The following UNC80 variants were observed in gnomAD, a reference collection of about 807,000 sequenced individuals.
UNC80 encodes the protein protein unc-80 homolog.
A neutral mutation model predicts 384.6 loss-of-function variants in UNC80; 164 were observed. The ratio of observed to expected loss-of-function variants is 0.43; its 90% CI spans 0.38 to 0.49. The LOEUF is 0.49. Ranked by LOEUF, UNC80 falls within the 20% of genes least tolerant of loss-of-function variation. The pLI is 0.00. For synonymous variants in UNC80, 1,486 were observed against 1,527.8 expected, an observed-to-expected ratio of 0.97 and a Z score of 0.64; for missense variants, 3,330 against 4,143.0, an observed-to-expected ratio of 0.80 and a Z score of 5.39.
chr2:209,861,751 T>G (rs558261101), intron 22 of UNC80, among the ~76,000 whole-genome samples: 5 of 152,138 alleles, frequency 3.3e-5, no homozygotes, highest in Non-Finnish European at 7.4e-5. Context: ...TTCTTAGTGG[T>G]TTAGTCTTGG....
intron 4 of UNC80, among the ~76,000 whole-genome samples, chr2:209,779,226 C>G (rs2077027042): frequency 6.6e-6 from 1 of 152,182 alleles, no homozygotes; most frequent in Non-Finnish European, 1.5e-5. Flanking sequence ...CCTCATCTCC[C>G]TCTATCTCAC....
At chr2:209,972,434 T>C in intron 55 of UNC80, 110 bp downstream of exon 55, 1 of 1,413,466 alleles carries the variant, frequency 7.1e-7, no homozygotes, top group South Asian at 1.4e-5. Context: ...GAAGTCAGTC[T>C]GAATGATTTA....
chr2:209,892,176 T>G (rs1244719644), intron 26 of UNC80, among the ~76,000 whole-genome samples: 2 of 152,096 alleles, frequency 1.3e-5, no homozygotes, highest in Non-Finnish European at 2.9e-5. Context: ...GAGGGAAAGG[T>G]GAAGCAGTTA....
chr2:209,801,549 A>C (rs973865758), intron 7 of UNC80, among the ~76,000 whole-genome samples: 1 of 151,152 alleles, frequency 6.6e-6, no homozygotes, highest in African/African-American at 2.4e-5. Flanking sequence ...CGCCTGACTA[A>C]TTTTTGTATT....
intron 26 of UNC80, among the ~76,000 whole-genome samples, chr2:209,893,484 A>G (rs936759492): frequency 1.3e-5 from 2 of 152,182 alleles, no homozygotes; most frequent in Non-Finnish European, 2.9e-5. Context: ...AATAATGCAT[A>G]TTCTTCTTGG....
rs867010044 is a variant in UNC80 at position 209,959,667 on chromosome 2, G to T, written c.7765G>T (p.Val2589Phe). 6.4e-7 allele frequency: 1 copy of T among 1,551,678 alleles called. No individual in the cohort carries two copies. The highest frequency in any genetic ancestry group is 8.7e-7 in the Non-Finnish European group (1 of 1,146,980). ...ILQNLAGEPRVIALELLDVKS... is the reference protein window; with the variant it reads ...ILQNLAGEPRFIALELLDVKS... Reference sequence around the variant, plus strand: ...GCAAAATCTGGCTGGGGAGCCTCGGGTCATTGCCTTGGAACTGCTGGATGT... The same window carrying T: ...GCAAAATCTGGCTGGGGAGCCTCGGTTCATTGCCTTGGAACTGCTGGATGT... Residue 2589 changes from valine to phenylalanine, a missense_variant, in exon 51 of 65, where the codon GTC (valine) becomes TTC (phenylalanine). Val to Phe is a conservative substitution (Grantham distance 50). This residue lies in a region of UNC80 where 1,049 missense variants were observed against 1,488.6 expected (regional missense o/e 0.70). Coordinates refer to ENST00000673920, the MANE Select transcript of UNC80 (RefSeq NM_001371986.1).
chr2:209,921,611 A>G lies in UNC80; in HGVS notation c.5455A>G (p.Ile1819Val). 1.3e-6 allele frequency: 2 copies of G among 1,551,730 alleles called. No homozygotes were observed. Among genetic ancestry groups the G allele is most frequent in the Non-Finnish European group, 1.7e-6 (2 of 1,146,990 alleles). Residue 1819 changes from isoleucine to valine, a missense_variant, in exon 34 of 65, where the codon ATC (isoleucine) becomes GTC (valine). By Grantham distance (29) the Ile-to-Val change is conservative (BLOSUM62 3). Around this residue, in one of 8 missense-constraint regions of UNC80, gnomAD observed 1,049 missense variants for 1,488.6 expected, o/e 0.70. Coordinates refer to ENST00000673920, the MANE Select transcript of UNC80 (RefSeq NM_001371986.1). ...ACGACTTGGTAGAGAAGCCAGCCTC[A>G]TCACTGCCATCCCCATCACCCAGGA... ...KKRLGREASL[I>V]TAIPITQEAC...
chr2:209,865,427 C>T (rs1344442443), intron 22 of UNC80, among the ~76,000 whole-genome samples: 1 of 151,910 alleles, frequency 6.6e-6, no homozygotes, highest in East Asian at 1.9e-4. Flanking sequence ...ACGGTGAAAC[C>T]CCATCTCTAC....
chr2:209,791,204 AC>A (rs1328919598), intron 6 of UNC80, among the ~76,000 whole-genome samples: 9 of 152,194 alleles, frequency 5.9e-5, no homozygotes, highest in African/African-American at 2.2e-4. Context: ...TTGCATAAAT[AC>A]CACTAATAAT....
intron 28 of UNC80, among the ~76,000 whole-genome samples, chr2:209,902,990 A>G (rs1423695759): frequency 6.7e-6 from 1 of 150,218 alleles, no homozygotes; most frequent in Non-Finnish European, 1.5e-5. Context: ...AGGGCCTCCC[A>G]TGAATACCAG....
chr2:209,895,248 G>A (rs548283825), intron 27 of UNC80, among the ~76,000 whole-genome samples: 1 of 152,294 alleles, frequency 6.6e-6, no homozygotes, highest in South Asian at 2.1e-4. Context: ...AAAAGTTGAA[G>A]CACATTCACT....
rs1197690590 is a variant in UNC80 at position 209,786,074 on chromosome 2, C to T, written c.609C>T (p.Asp203=). The change falls in exon 5 of 65, where the codon GAC becomes GAT. Residue 203 remains aspartate (D), a synonymous_variant. Transcript: ENST00000673920. ...APLVHRIKES[D]LTFRLASGLV... is the part of the protein sequence containing the mutation. ...CTTCTCCTCCCCCCTAGGAATCTGA[C>T]CTCACCTTCCGTCTGGCCAGTGGGC... is the stretch of plus-strand genomic sequence containing the variant. 2 of 1,613,578 alleles carry T rather than the reference C, an allele frequency of 1.2e-6. No homozygotes were observed. Among genetic ancestry groups the T allele is most frequent in the East Asian group, 2.2e-5 (1 of 44,884 alleles).
chr2:209,786,044 T>A (rs200925697), intron 4 of UNC80, 22 bp from the exon 5 acceptor site: 119 of 1,611,432 alleles, frequency 7.4e-5, no homozygotes, highest in Admixed American at 1.5e-4. Flanking sequence ...TTATTGGACA[T>A]ATATCTTCTC....
chr2:209,829,414 CGTT>C (rs1408937783), intron 15 of UNC80, 35 bp downstream of exon 15: 3 of 1,549,160 alleles, frequency 1.9e-6, no homozygotes, highest in Non-Finnish European at 2.6e-6. Context: ...TAGGAGAAGT[CGTT>C]GTGAGGTGAA....
intron 22 of UNC80, among the ~76,000 whole-genome samples, chr2:209,870,887 A>T (rs1267523299): frequency 2.0e-5 from 3 of 152,140 alleles, no homozygotes; most frequent in African/African-American, 7.2e-5. Context: ...TAAAAATGGG[A>T]ATTTTCTGGA....
At position 209,936,940 on chromosome 2, in the gene UNC80, C is replaced by T; in HGVS notation, c.6363+7C>T. The T allele has an allele frequency of 1.3e-6, 2 of 1,527,932 alleles. No homozygotes were observed. The highest frequency in any genetic ancestry group is 8.9e-7 in the Non-Finnish European group (1 of 1,125,508). The allele number at this position is 1,527,932 out of a possible 1,614,324, so 94.6% of individuals were successfully genotyped here. A position where few individuals can be genotyped will look rare whatever the true frequency, so the allele number is the denominator to read the frequency against. On this transcript the variant is annotated splice_region_variant and intron_variant, in intron 41 of 64. Coordinates refer to ENST00000673920, the MANE Select transcript of UNC80 (RefSeq NM_001371986.1). Reference sequence around the variant, plus strand: ...CCTTATCCACTACAATAAGGTGAGACACCAGTAGTGACATCCCCGTTGAGT... The same window carrying T: ...CCTTATCCACTACAATAAGGTGAGATACCAGTAGTGACATCCCCGTTGAGT...
intron 23 of UNC80, among the ~76,000 whole-genome samples, chr2:209,874,780 C>T (rs1416249279): frequency 6.6e-6 from 1 of 152,192 alleles, no homozygotes; most frequent in Non-Finnish European, 1.5e-5. Context: ...TTTCAGATCC[C>T]AGACCTACAT....
intron 13 of UNC80, among the ~76,000 whole-genome samples, chr2:209,823,506 C>G (rs111577661): frequency 6.6e-5 from 10 of 152,270 alleles, no homozygotes; most frequent in African/African-American, 2.4e-4. Flanking sequence ...AGTCCAACCT[C>G]TGCTTTCGGA....
chr2:209,989,286 C>T (rs2125029735), intron 61 of UNC80, among the ~76,000 whole-genome samples: 1 of 150,864 alleles, frequency 6.6e-6, no homozygotes, highest in South Asian at 2.1e-4. Context: ...GATAGTGCCA[C>T]TTCACTCCAG....
Sources: allele counts gnomAD v4.1 joint callset (sites outside exome capture counted in the v4.1 genomes callset), GRCh38; gene constraint gnomAD v4.1.1; regional missense constraint gnomAD v4.1.1; transcripts MANE v1.5; gene names NCBI Gene and HGNC (gene_info 2026-07-23, HGNC 2026-07-21).